GRIK4: variants seen among roughly 807,000 people sequenced by gnomAD.
GRIK4 encodes glutamate ionotropic receptor kainate type subunit 4.
In GRIK4, 40 loss-of-function variants were observed where a neutral mutation model predicts 104.9. That is an observed-to-expected ratio of 0.38 (90% confidence interval 0.30 to 0.50). The LOEUF is 0.50. Ranked by LOEUF, GRIK4 falls within the 20% of genes least tolerant of loss-of-function variation. GRIK4 has a pLI of 0.93. For missense variants in GRIK4, 1,047 were observed against 1,308.1 expected (o/e 0.80, Z 3.08); for synonymous variants, 485 against 524.9 (o/e 0.92, Z 1.04).
intron 13 of GRIK4, among the ~76,000 whole-genome samples, chr11:120,919,110 C>T (rs141595864): frequency 6.6e-6 from 1 of 152,148 alleles, no homozygotes; most frequent in African/African-American, 2.4e-5. Flanking sequence ...AGGGAAGTGC[C>T]GTCAAGTCAG....
intron 3 of GRIK4, among the ~76,000 whole-genome samples, chr11:120,709,971 G>A (rs1308321571): frequency 6.6e-6 from 1 of 152,180 alleles, no homozygotes; most frequent in Non-Finnish European, 1.5e-5. Context: ...GCAGGCGAGG[G>A]TGCTTTGGAA....
chr11:120,514,291 A>G (rs908305112), intron 1 of GRIK4, among the ~76,000 whole-genome samples: 1 of 152,122 alleles, frequency 6.6e-6, no homozygotes, highest in Non-Finnish European at 1.5e-5. Context: ...TCTCAGAACA[A>G]TTACTTCATT....
In GRIK4 at chr11:120,819,084, T is replaced by C. The variant is rs1953036148; in HGVS notation, c.346-671T>C. Among the ~76,000 whole-genome samples, 1 of 152,216 alleles carries C rather than the reference T, an allele frequency of 6.6e-6. No homozygotes were observed. The highest frequency in any genetic ancestry group is 1.9e-4 in the East Asian group (1 of 5,194). The stretch of plus-strand genomic sequence containing the variant: ...GTCAGTAATAGATGCAGAGGGAAGC[T>C]GACACTGTCCTAATGAAGCCAAACC... On this transcript the variant is annotated intron_variant, in intron 5 of 20. Coordinates refer to ENST00000527524, the MANE Select transcript of GRIK4 (RefSeq NM_014619.5). This position sits in a 1 kb window ranked among gnomAD's most constrained non-coding sequence, Gnocchi z 4.3.
intron 3 of GRIK4, among the ~76,000 whole-genome samples, chr11:120,735,027 C>G (rs2852230): frequency 0.75 from 113,749 of 152,082 alleles, 42,910 homozygotes; most frequent in Middle Eastern, 0.85. Flanking sequence ...ATTTTGAATT[C>G]TCGTTTTGAA....
At position 120,524,407 on chromosome 11, in the gene GRIK4, G is replaced by A. The variant is rs1947836056; in HGVS notation, c.-159+12520G>A. On this transcript the variant is annotated intron_variant, in intron 1 of 20. Coordinates refer to ENST00000527524, the MANE Select transcript of GRIK4 (RefSeq NM_014619.5). The surrounding 1 kb of genome is among the most constrained non-coding windows in gnomAD (Gnocchi z 4.5). ...GCCGCCTTCGACTCGCAGATGTATGGGATTGAAAAGTCAATTGTGTGATCT... is the reference window on the plus strand; with the variant it reads ...GCCGCCTTCGACTCGCAGATGTATGAGATTGAAAAGTCAATTGTGTGATCT... 6.6e-6 allele frequency among the ~76,000 whole-genome samples: 1 copy of A among 152,140 alleles called. No individual in the cohort carries two copies.
At chr11:120,826,899 G>C (rs939087526) in intron 6 of GRIK4, among the ~76,000 whole-genome samples, 7 of 152,204 alleles carry the variant, frequency 4.6e-5, no homozygotes, top group African/African-American at 1.7e-4. Context: ...TCCCTCTGGT[G>C]AGGGTTCGCT....
chr11:120,844,364 C>G (rs1236640054), intron 8 of GRIK4, among the ~76,000 whole-genome samples: 2 of 152,202 alleles, frequency 1.3e-5, no homozygotes, highest in Non-Finnish European at 2.9e-5. Flanking sequence ...TAGCATTCAT[C>G]TCAAGTGGGA....
At chr11:120,567,730 T>C (rs1235468209) in intron 1 of GRIK4, among the ~76,000 whole-genome samples, 1 of 152,282 alleles carries the variant, frequency 6.6e-6, no homozygotes, top group East Asian at 1.9e-4. Flanking sequence ...TCTCAGACAC[T>C]TGTGGCTGGC....
intron 13 of GRIK4, among the ~76,000 whole-genome samples, chr11:120,911,173 G>A (rs1942982232): frequency 6.6e-6 from 1 of 151,992 alleles, no homozygotes; most frequent in African/African-American, 2.4e-5. Context: ...GGCTTTCACT[G>A]TTGCAAGAGA....
chr11:120,952,815 G>C lies in GRIK4; in HGVS notation c.1591-40G>C, dbSNP rs771337790. On this transcript the variant is annotated intron_variant, in intron 14 of 20. Transcript: ENST00000527524. This position sits in a 1 kb window ranked among gnomAD's most constrained non-coding sequence, Gnocchi z 5.2. ...TGCCTGCCCCAAGGTCATGTTGACT[G>C]AATATGTGCGGTGAATCTTGTTTTT... 7 of 1,387,322 alleles carry C rather than the reference G, an allele frequency of 5.0e-6. No homozygotes were observed. The South Asian group carries it at 8.1e-5, about 16-fold the overall frequency. The allele number at this position is 1,387,322 out of a possible 1,614,324, so 85.9% of individuals were successfully genotyped here. A position where few individuals can be genotyped will look rare whatever the true frequency, so the allele number is the denominator to read the frequency against.
chr11:120,736,994 C>G (rs919120912), intron 3 of GRIK4, among the ~76,000 whole-genome samples: 1 of 152,122 alleles, frequency 6.6e-6, no homozygotes, highest in Non-Finnish European at 1.5e-5. Flanking sequence ...TAGAAGCCAA[C>G]GTAAGAGGAT....
At position 120,905,448 on chromosome 11, in the gene GRIK4, G is replaced by T; in HGVS notation, c.1431G>T (p.Glu477Asp). 1.2e-6 allele frequency: 2 copies of T among 1,613,464 alleles called. No homozygotes were observed. Among genetic ancestry groups the T allele is most frequent in the Non-Finnish European group, 8.5e-7 (1 of 1,179,902 alleles). Residue 477 changes from glutamate (E) to aspartate (D), a missense_variant, in exon 13 of 21, where the codon GAG (glutamate) becomes GAT (aspartate). Glu to Asp is a conservative substitution (Grantham distance 45). Transcript: ENST00000527524. This position sits in a 1 kb window ranked among gnomAD's most constrained non-coding sequence, Gnocchi z 5.1. The part of the protein sequence containing the change: ...LVGDGVYGVP[E>D]ANGTWTGMVG... ...GGGATGGCGTGTACGGCGTTCCCGA[G>T]GCCAACGGCACCTGGACGGGAATGG... is the stretch of plus-strand genomic sequence containing the variant.
At chr11:120,780,720 GT>G (rs899258507) in intron 3 of GRIK4, among the ~76,000 whole-genome samples, 1 of 151,406 alleles carries the variant, frequency 6.6e-6, no homozygotes, top group Non-Finnish European at 1.5e-5. Flanking sequence ...GGTTTTTTTT[GT>G]TTGTTTGTTT....
At chr11:120,585,989 T>C (rs1001408007) in intron 1 of GRIK4, among the ~76,000 whole-genome samples, 2 of 145,844 alleles carry the variant, frequency 1.4e-5, no homozygotes, top group Admixed American at 6.6e-5. Flanking sequence ...GAGATGCCCA[T>C]GGGGCATAAG....
chr11:120,924,941 C>G (rs1022715629), intron 13 of GRIK4, among the ~76,000 whole-genome samples: 1 of 152,190 alleles, frequency 6.6e-6, no homozygotes, highest in Non-Finnish European at 1.5e-5. Flanking sequence ...GTGGTTTCAA[C>G]GTGTGCACAT....
chr11:120,599,450 C>T (rs4936523), intron 1 of GRIK4, among the ~76,000 whole-genome samples: 102,858 of 151,982 alleles, frequency 0.68, 35,142 homozygotes, highest in Non-Finnish European at 0.7. Flanking sequence ...GGTTTCTCCA[C>T]CTGGACTTAA....
chr11:120,926,467 AC>A (rs1361325935), intron 13 of GRIK4, among the ~76,000 whole-genome samples: 1 of 152,158 alleles, frequency 6.6e-6, no homozygotes, highest in South Asian at 2.1e-4. Context: ...TCCCCAACAT[AC>A]CTACAAAGTA....
chr11:120,871,565 T>C (rs1954611321), intron 9 of GRIK4: 1 of 456,002 alleles, frequency 2.2e-6, no homozygotes, highest in Non-Finnish European at 4.4e-6. Context: ...TGGGTGTCCT[T>C]TGTTGCTTAG....
In GRIK4 at chr11:120,836,689, G is replaced by A. The variant is rs556738650; in HGVS notation, c.691-102G>A. On this transcript the variant is annotated intron_variant, in intron 7 of 20. Transcript: ENST00000527524. ...GTTCTGTTCTGCCTGGTGCCAAGGG[G>A]CAGTGGGCCAGACAAATGGTAGACA... The A allele has an allele frequency of 4.1e-5, 32 of 772,096 alleles. No individual in the cohort carries two copies. The African/African-American group carries it at 5.1e-4, about 12-fold the overall frequency. 47.8% of individuals were successfully genotyped at this position (772,096 alleles called of 1,614,324 possible).
Sources: allele counts gnomAD v4.1 joint callset (sites outside exome capture counted in the v4.1 genomes callset), GRCh38; gene constraint gnomAD v4.1.1; non-coding constraint Gnocchi (gnomAD v3.1); transcripts MANE v1.5; gene names NCBI Gene and HGNC (gene_info 2026-07-23, HGNC 2026-07-21).